The following GNE variants were observed in gnomAD, a reference collection of about 807,000 sequenced individuals.
GNE encodes glucosamine (UDP-N-acetyl)-2-epimerase/N-acetylmannosamine kinase, also known as bifunctional UDP-N-acetylglucosamine 2-epimerase/N-acetylmannosamine kinase.
A neutral mutation model predicts 61.8 loss-of-function variants in GNE; 41 were observed. That is an observed-to-expected ratio of 0.66 (90% confidence interval 0.52 to 0.86). The LOEUF (loss-of-function observed/expected upper bound fraction) is 0.86, where lower values mean the gene tolerates loss of function less well. GNE is among the 40% of genes least tolerant of loss of function. The pLI is 0.00. For synonymous variants in GNE, 264 were observed against 326.4 expected, an observed-to-expected ratio of 0.81 and a Z score of 2.06; for missense variants, 608 against 909.1, an observed-to-expected ratio of 0.67 and a Z score of 4.26.
chr9:36,223,542 G>T, intron 7 of GNE, 40 bp from the exon 8 acceptor site: 1 of 1,579,924 alleles, frequency 6.3e-7, no homozygotes, highest in Non-Finnish European at 8.7e-7. Flanking sequence ...ACTGGTCTTA[G>T]CTAAGCAGCA....
At chr9:36,220,047 G>A in intron 9 of GNE, 27 bp from the exon 10 acceptor site, 1 of 1,591,696 alleles carries the variant, frequency 6.3e-7, no homozygotes. Context: ...AAATCACTGA[G>A]GGTGCTTTAC....
At chr9:36,232,846 A>G (rs943039491) in intron 5 of GNE, among the ~76,000 whole-genome samples, 7 of 152,232 alleles carry the variant, frequency 4.6e-5, no homozygotes, top group Non-Finnish European at 1.0e-4. Context: ...TTTATTGCCA[A>G]ATCCCAGTGC....
At chr9:36,231,946 G>A (rs1210639273) in intron 5 of GNE, among the ~76,000 whole-genome samples, 1 of 151,986 alleles carries the variant, frequency 6.6e-6, no homozygotes, top group East Asian at 1.9e-4. Context: ...CCCCAAATCT[G>A]TTCCTCCCTC....
upstream of GNE, among the ~76,000 whole-genome samples, chr9:36,260,271 C>T (rs1187126886): frequency 1.4e-5 from 2 of 142,902 alleles, no homozygotes; most frequent in African/African-American, 5.4e-5. Context: ...TGGATCGAGA[C>T]CTCATCTCTT....
rs559988145 is a variant in GNE, at chr9:36,245,689, T to C, written c.616+342A>G. Among the ~76,000 whole-genome samples, 4 of 152,104 alleles carry C rather than the reference T, an allele frequency of 2.6e-5. No homozygotes were observed. In the East Asian group the frequency reaches 7.7e-4, roughly 29 times the overall value. On this transcript the variant is annotated intron_variant, in intron 3 of 11. Transcript: ENST00000642385. ...ACTCCATCTCAAAAAATAAAATAAA[T>C]AAAATAAAATGAAATGGCATATTAC... is the stretch of plus-strand genomic sequence containing the variant.
At position 36,238,123 on chromosome 9, in the gene GNE, T is replaced by TACAC. The variant is rs201513947; in HGVS notation, c.617-1143_617-1140dup. ...GTAGATATAAATAGATATATATAGA[T>TACAC]ACACACACACACACACACACACATA... On this transcript the variant is annotated intron_variant, in intron 3 of 11. Coordinates refer to ENST00000642385, the MANE Select transcript of GNE (RefSeq NM_005476.7). Among the ~76,000 whole-genome samples, 1,289 of 129,062 alleles carry TACAC rather than the reference T, an allele frequency of 1.0e-2. 19 individuals carry two copies. Among genetic ancestry groups the TACAC allele is most frequent in the African/African-American group, 0.03 (1,117 of 37,580 alleles). 84.7% of individuals were successfully genotyped at this position (129,062 alleles called of 152,430 possible).
chr9:36,247,732 TA>T (rs1267879611), intron 2 of GNE, among the ~76,000 whole-genome samples: 3 of 151,264 alleles, frequency 2.0e-5, no homozygotes, highest in African/African-American at 4.9e-5. Context: ...CATTTTATAT[TA>T]AAAAAAAATC....
At chr9:36,219,490 A>G (rs1828487263) in intron 10 of GNE, among the ~76,000 whole-genome samples, 1 of 152,214 alleles carries the variant, frequency 6.6e-6, no homozygotes, top group African/African-American at 2.4e-5. Context: ...CATACAGTGC[A>G]TGTATGTGTG....
At chr9:36,238,420 G>C (rs978124893) in intron 3 of GNE, among the ~76,000 whole-genome samples, 1 of 152,254 alleles carries the variant, frequency 6.6e-6, no homozygotes, top group Admixed American at 6.5e-5. Context: ...ACTGTTTTTT[G>C]ATTTTTTGAT....
At chr9:36,272,793 G>A (rs1361352807) in intron 1 of GNE, among the ~76,000 whole-genome samples, 1 of 151,542 alleles carries the variant, frequency 6.6e-6, no homozygotes, top group African/African-American at 2.4e-5. Flanking sequence ...AGAAGGGGCC[G>A]GGCCCAGTGG....
chr9:36,252,962 C>T (rs1830169484), intron 1 of GNE, among the ~76,000 whole-genome samples: 1 of 152,108 alleles, frequency 6.6e-6, no homozygotes, highest in South Asian at 2.1e-4. Context: ...AATTCAAGAA[C>T]AGCCTGGCCA....
At chr9:36,274,720 C>CTT (rs1195507916) in intron 1 of GNE, among the ~76,000 whole-genome samples, 12 of 143,986 alleles carry the variant, frequency 8.3e-5, no homozygotes, top group South Asian at 4.4e-4. Context: ...GTTTCACATT[C>CTT]TTTTTTTTTT....
intron 1 of GNE, among the ~76,000 whole-genome samples, chr9:36,270,463 A>C (rs952598839): frequency 6.6e-6 from 1 of 151,700 alleles, no homozygotes; most frequent in Admixed American, 6.6e-5. Flanking sequence ...GCAGTAGTGC[A>C]TGCACGCCTG....
chr9:36,216,038 TG>T lies in GNE; in HGVS notation c.*1326del, dbSNP rs1326576513. 3.5e-6 allele frequency: 1 copy of T among 288,952 alleles called. No individual in the cohort carries two copies. The highest frequency in any genetic ancestry group is 7.0e-6 in the Non-Finnish European group (1 of 143,186). 17.9% of individuals were successfully genotyped at this position (288,952 alleles called of 1,614,324 possible). ...CTAAGGCCACTGTAATTTAGATCCC[TG>T]GTCTAAAGTCTCTTGTAAGTTCAGC... On this transcript the variant is annotated 3_prime_UTR_variant, in exon 12 of 12. Coordinates refer to ENST00000642385, the MANE Select transcript of GNE (RefSeq NM_005476.7).
chr9:36,241,577 A>T (rs539611596), intron 3 of GNE, among the ~76,000 whole-genome samples: 1 of 152,304 alleles, frequency 6.6e-6, no homozygotes, highest in East Asian at 1.9e-4. Flanking sequence ...CACTTCTGAT[A>T]TTATTACCAG....
At chr9:36,265,173 C>A in intron 1 of GNE, 1 of 308,542 alleles carries the variant, frequency 3.2e-6, no homozygotes, top group South Asian at 2.9e-5. Flanking sequence ...TGCCTGGGTT[C>A]GTCCTAATTG....
intron 11 of GNE, 39 bp from the exon 12 acceptor site, chr9:36,217,639 A>C: frequency 7.5e-7 from 1 of 1,328,192 alleles, no homozygotes; most frequent in Non-Finnish European, 1.1e-6. Context: ...TTCTGAGAGA[A>C]GCCAAAATCA....
chr9:36,254,593 T>G (rs1221615122), intron 1 of GNE, among the ~76,000 whole-genome samples: 1 of 151,952 alleles, frequency 6.6e-6, no homozygotes, highest in Non-Finnish European at 1.5e-5. Flanking sequence ...AAGGAGGCAA[T>G]CACTTTTCAT....
intron 1 of GNE, among the ~76,000 whole-genome samples, chr9:36,249,634 T>C (rs1413449685): frequency 1.3e-5 from 2 of 152,078 alleles, no homozygotes; most frequent in Admixed American, 6.6e-5. Context: ...ATCCCAGCAC[T>C]TTGGGAGGCC....
Sources: gnomAD v4.1 joint callset for allele counts (sites outside exome capture counted in the v4.1 genomes callset) on GRCh38, gnomAD v4.1.1 for gene constraint, MANE v1.5 for transcripts, NCBI Gene and HGNC (gene_info 2026-07-23, HGNC 2026-07-21) for gene names.